ATOSA: variants seen among roughly 807,000 people sequenced by gnomAD.
The protein encoded by ATOSA is atos homolog A, also known as atos homolog protein A.
chr15:52,609,214 G>T, the ATOSA span: 2 of 1,611,604 alleles, frequency 1.2e-6, no homozygotes, highest in Admixed American at 1.7e-5. Flanking sequence ...ATTTTTAAAA[G>T]AAGTAAAACA....
chr15:52,613,816 A>G, the ATOSA span: 2 of 1,613,968 alleles, frequency 1.2e-6, no homozygotes, highest in South Asian at 2.2e-5. Flanking sequence ...AAAGAGACCA[A>G]GAACTCCTCT....
the ATOSA span, among the ~76,000 whole-genome samples, chr15:52,640,309 T>A: frequency 6.6e-6 from 1 of 151,648 alleles, no homozygotes; most frequent in East Asian, 2.0e-4. Context: ...GTGGGCCAGG[T>A]GAGGTGGCTC....
the ATOSA span, among the ~76,000 whole-genome samples, chr15:52,626,272 T>A: frequency 6.6e-6 from 1 of 152,166 alleles, no homozygotes; most frequent in African/African-American, 2.4e-5. Context: ...CTCTCCTTTT[T>A]AAAGCTCTCA....
At chr15:52,624,801 G>A in the ATOSA span, among the ~76,000 whole-genome samples, 3 of 142,536 alleles carry the variant, frequency 2.1e-5, no homozygotes, top group Admixed American at 7.3e-5. Context: ...TTTTTGAGAC[G>A]GAGTCTTGTT....
At chr15:52,613,401 GAGAT>G in the ATOSA span, among the ~76,000 whole-genome samples, 3 of 152,106 alleles carry the variant, frequency 2.0e-5, no homozygotes, top group Non-Finnish European at 4.4e-5. Context: ...TCCAACAGCA[GAGAT>G]AGTCTTAAAT....
chr15:52,636,085 A>T, the ATOSA span, among the ~76,000 whole-genome samples: 54 of 146,108 alleles, frequency 3.7e-4, 2 homozygotes, highest in South Asian at 0.011. Flanking sequence ...TTAAATTAAA[A>T]TAATAAAATT....
At chr15:52,608,230 G>T in the ATOSA span, among the ~76,000 whole-genome samples, 1 of 152,074 alleles carries the variant, frequency 6.6e-6, no homozygotes, top group African/African-American at 2.4e-5. Flanking sequence ...CCTTTAAGAT[G>T]GGGGAGCAGG....
At chr15:52,620,339 C>A in the ATOSA span, among the ~76,000 whole-genome samples, 1 of 152,116 alleles carries the variant, frequency 6.6e-6, no homozygotes, top group Admixed American at 6.5e-5. Flanking sequence ...ATTCTTTGTT[C>A]TCCAGAAAAA....
chr15:52,593,713 G>A, the ATOSA span: 5 of 1,555,246 alleles, frequency 3.2e-6, no homozygotes, highest in East Asian at 2.4e-5. Flanking sequence ...CGAGAGGATC[G>A]AAACGATAGT....
chr15:52,609,929 G>T, the ATOSA span: 1 of 1,610,964 alleles, frequency 6.2e-7, no homozygotes. Flanking sequence ...GATGTTTCTT[G>T]TGATTTTATA....
the ATOSA span, chr15:52,585,112 ATAT>A: frequency 5.6e-6 from 3 of 539,332 alleles, 1 homozygote; most frequent in South Asian, 6.4e-5. Context: ...TTAAGAAATA[ATAT>A]TATTTTTTAA....
the ATOSA span, among the ~76,000 whole-genome samples, chr15:52,668,124 A>G: frequency 6.6e-6 from 1 of 152,256 alleles, no homozygotes; most frequent in Admixed American, 6.5e-5. Flanking sequence ...TATTTATTGC[A>G]GTATTATTCA....
At chr15:52,597,189 TATTCTATTCTATTCTATTC>T in the ATOSA span, among the ~76,000 whole-genome samples, 4 of 149,660 alleles carry the variant, frequency 2.7e-5, no homozygotes, top group Admixed American at 6.6e-5. Context: ...TATTCTATTC[TATTCTATTCTATTCTATTC>T]TATTCTATTC....
the ATOSA span, among the ~76,000 whole-genome samples, chr15:52,597,160 GTTCTGTTCTATTCTATTCTA>G: frequency 2.3e-4 from 2 of 8,550 alleles, no homozygotes; most frequent in Middle Eastern, 0.071. Flanking sequence ...ATTCTGTTCT[GTTCTGTTCTATTCTATTCTA>G]TTCTATTCTA....
chr15:52,655,115 A>C, the ATOSA span, among the ~76,000 whole-genome samples: 1 of 152,150 alleles, frequency 6.6e-6, no homozygotes, highest in Admixed American at 6.5e-5. Flanking sequence ...GGATTCAAAC[A>C]TAATGTCTTC....
the ATOSA span, chr15:52,581,547 A>G: frequency 6.6e-6 from 1 of 152,372 alleles, no homozygotes; most frequent in African/African-American, 2.4e-5. Flanking sequence ...CTTAGTCCAC[A>G]TTGCACTGCT....
At chr15:52,670,922 C>T in the ATOSA span, among the ~76,000 whole-genome samples, 7 of 152,138 alleles carry the variant, frequency 4.6e-5, no homozygotes, top group African/African-American at 1.4e-4. Context: ...AGAATGGGTC[C>T]CAAATCTAAA....
the ATOSA span, among the ~76,000 whole-genome samples, chr15:52,636,350 T>C: frequency 6.6e-6 from 1 of 152,254 alleles, no homozygotes; most frequent in South Asian, 2.1e-4. Context: ...CCAAGTGCTA[T>C]GGGCTAAATT....
At chr15:52,694,483 A>T in the ATOSA span, among the ~76,000 whole-genome samples, 3 of 152,086 alleles carry the variant, frequency 2.0e-5, no homozygotes, top group African/African-American at 7.2e-5. Context: ...ATATTTTAAT[A>T]TATGATTGCT....
Sources: gnomAD v4.1 joint callset for allele counts (sites outside exome capture counted in the v4.1 genomes callset) on GRCh38, gnomAD v4.1.1 for gene constraint, MANE v1.5 for transcripts, NCBI Gene and HGNC (gene_info 2026-07-23, HGNC 2026-07-21) for gene names.